BTNL8: variants seen among roughly 807,000 people sequenced by gnomAD.
BTNL8 encodes the protein butyrophilin like 8.
BTNL8 carries 22 observed loss-of-function variants against 36.1 expected under a neutral mutation model. The ratio of observed to expected loss-of-function variants is 0.61; its 90% confidence interval spans 0.44 to 0.87. The LOEUF (loss-of-function observed/expected upper bound fraction) is 0.87, where lower values mean the gene tolerates loss of function less well. BTNL8 is among the 40% of genes least tolerant of loss of function. The pLI is 0.00. For synonymous variants in BTNL8, 203 were observed against 235.6 expected (o/e 0.86, Z 1.27); for missense variants, 526 against 616.9 (o/e 0.85, Z 1.56).
At chr5:180,944,583 C>A (rs2113861752) in intron 3 of BTNL8, among the ~76,000 whole-genome samples, 1 of 152,178 alleles carries the variant, frequency 6.6e-6, no homozygotes, top group Admixed American at 6.5e-5. Flanking sequence ...TAAATAGCAG[C>A]AATAAGTTCC....
In BTNL8 at chr5:180,947,525, G is replaced by A; in HGVS notation, c.687G>A (p.Glu229=). 1 of 1,613,606 alleles carries A rather than the reference G, an allele frequency of 6.2e-7. No homozygotes were observed. Among genetic ancestry groups the A allele is most frequent in the Non-Finnish European group, 8.5e-7 (1 of 1,179,572 alleles). The change falls in exon 4 of 8, where the codon GAG becomes GAA. Residue 229 remains glutamate (E), a synonymous_variant. Coordinates refer to ENST00000340184, the MANE Select transcript of BTNL8 (RefSeq NM_001040462.3). The part of the protein sequence containing the change: ...SRVQIGDTFF[E]PISWHLATKV... ...ATTGTTTTTCAGATACCTTTTTCGA[G>A]CCTATATCGTGGCACCTGGCTACCA...
intron 3 of BTNL8, among the ~76,000 whole-genome samples, chr5:180,944,104 T>C (rs1006411383): frequency 2.0e-5 from 3 of 152,072 alleles, no homozygotes; most frequent in African/African-American, 7.2e-5. Context: ...CACCCACATA[T>C]GGAATCCAAA....
intron 3 of BTNL8, among the ~76,000 whole-genome samples, chr5:180,934,232 T>C (rs1425299992): frequency 6.6e-6 from 1 of 152,184 alleles, no homozygotes; most frequent in Non-Finnish European, 1.5e-5. Flanking sequence ...ATTTGATAAA[T>C]TCAGCACCCT....
At chr5:180,940,883 T>A (rs1758894876) in intron 3 of BTNL8, among the ~76,000 whole-genome samples, 1 of 151,940 alleles carries the variant, frequency 6.6e-6, no homozygotes, top group Admixed American at 6.6e-5. Flanking sequence ...CTGGCCAACA[T>A]GGTGGTGAAA....
intron 3 of BTNL8, among the ~76,000 whole-genome samples, chr5:180,939,170 T>C (rs1333004587): frequency 6.6e-6 from 1 of 152,216 alleles, no homozygotes; most frequent in African/African-American, 2.4e-5. Flanking sequence ...GTTAACAAAA[T>C]GACAGGAATA....
At position 180,930,923 on chromosome 5, in the gene BTNL8, G is replaced by T. The variant is rs143182934; in HGVS notation, c.674-16589G>T. ...ATAGATTCAATGCTATCCCCATCAAGCTACCACTGACTTTCTTCACAGAAT... is the reference window on the plus strand; with the variant it reads ...ATAGATTCAATGCTATCCCCATCAATCTACCACTGACTTTCTTCACAGAAT... On this transcript the variant is annotated intron_variant, in intron 3 of 7. Coordinates refer to ENST00000340184, the MANE Select transcript of BTNL8 (RefSeq NM_001040462.3). Among the ~76,000 whole-genome samples, 160 of 152,194 alleles carry T rather than the reference G, an allele frequency of 1.1e-3. No individual in the cohort carries two copies. The East Asian group carries it at 0.025, about 23-fold the overall frequency.
chr5:180,936,663 C>T (rs1758665303), intron 3 of BTNL8, among the ~76,000 whole-genome samples: 1 of 152,222 alleles, frequency 6.6e-6, no homozygotes, highest in Non-Finnish European at 1.5e-5. Flanking sequence ...ACTAGCAGAG[C>T]TGCCGCTTGC....
chr5:180,949,318 AG>A lies in BTNL8; in HGVS notation c.862+58del. 3 of 1,459,994 alleles carry A rather than the reference AG, an allele frequency of 2.1e-6. 1 individual carries two copies. Among genetic ancestry groups the A allele is most frequent in the Non-Finnish European group, 2.8e-6 (3 of 1,057,264 alleles). The allele number at this position is 1,459,994 out of a possible 1,614,324, so 90.4% of individuals were successfully genotyped here. ...GGACAGAATCTCAGGTGGACATGAGAGGGGGAACTGAACAGGGACAGATACG... is the reference window on the plus strand; with the variant it reads ...GGACAGAATCTCAGGTGGACATGAGAGGGGAACTGAACAGGGACAGATACG... On this transcript the variant is annotated intron_variant, in intron 7 of 7. Coordinates refer to ENST00000340184, the MANE Select transcript of BTNL8 (RefSeq NM_001040462.3).
At chr5:180,927,891 C>G (rs891055598) in intron 3 of BTNL8, among the ~76,000 whole-genome samples, 1 of 152,126 alleles carries the variant, frequency 6.6e-6, no homozygotes, top group Admixed American at 6.5e-5. Context: ...GAGAATGGAA[C>G]CAAGTTGGAA....
At chr5:180,926,644 C>T (rs1159253662) in intron 3 of BTNL8, among the ~76,000 whole-genome samples, 2 of 152,178 alleles carry the variant, frequency 1.3e-5, no homozygotes, top group Non-Finnish European at 2.9e-5. Flanking sequence ...GGCAGAGGGA[C>T]ATCACCATTA....
chr5:180,901,442 G>T (rs1347410133), intron 1 of BTNL8, among the ~76,000 whole-genome samples: 3 of 152,200 alleles, frequency 2.0e-5, no homozygotes, highest in East Asian at 3.8e-4. Context: ...AATCCTTACA[G>T]GGTAGTAAGA....
intron 3 of BTNL8, among the ~76,000 whole-genome samples, chr5:180,923,858 AAAAC>A (rs1270489895): frequency 6.6e-6 from 1 of 152,206 alleles, no homozygotes; most frequent in East Asian, 1.9e-4. Flanking sequence ...CAAAGACAGA[AAAAC>A]AAACAAATAT....
chr5:180,947,110 C>T (rs1235687450), intron 3 of BTNL8, among the ~76,000 whole-genome samples: 1 of 152,180 alleles, frequency 6.6e-6, no homozygotes, highest in Non-Finnish European at 1.5e-5. Flanking sequence ...GAAACTTAGT[C>T]TAGTTTATAC....
intron 3 of BTNL8, among the ~76,000 whole-genome samples, chr5:180,941,024 G>C (rs1758908573): frequency 6.6e-6 from 1 of 151,702 alleles, no homozygotes; most frequent in African/African-American, 2.4e-5. Flanking sequence ...CTGGGAGGCA[G>C]AGGCTGCAGT....
At chr5:180,908,977 C>A in intron 2 of BTNL8, 44 bp downstream of exon 2, 1 of 1,538,026 alleles carries the variant, frequency 6.5e-7, no homozygotes, top group Admixed American at 2.1e-5. Context: ...AAGAACCATC[C>A]TGGACTTTAT....
intron 3 of BTNL8, among the ~76,000 whole-genome samples, chr5:180,943,235 A>G (rs564300427): frequency 1.3e-4 from 19 of 150,868 alleles, no homozygotes; most frequent in East Asian, 7.8e-4. Context: ...CCTGGGTTCA[A>G]GTGATTCTCC....
chr5:180,941,912 C>CTTTTTTTTTTTTT (rs1554145496), intron 3 of BTNL8, among the ~76,000 whole-genome samples: 75 of 144,790 alleles, frequency 5.2e-4, no homozygotes, highest in South Asian at 8.6e-4. Flanking sequence ...TTTTACTACT[C>CTTTTTTTTTTTTT]TTATTCAACA....
intron 3 of BTNL8, among the ~76,000 whole-genome samples, chr5:180,913,750 T>G (rs578196103): frequency 6.6e-6 from 1 of 152,286 alleles, no homozygotes; most frequent in African/African-American, 2.4e-5. Flanking sequence ...CCCCTGTAAG[T>G]GAATCATGGC....
chr5:180,902,525 T>G (rs1380152297), intron 1 of BTNL8: 3 of 940,630 alleles, frequency 3.2e-6, no homozygotes, highest in Non-Finnish European at 4.8e-6. Context: ...GGGTTTTTTT[T>G]TTTGTTTTTG....
Sources: allele counts gnomAD v4.1 joint callset (sites outside exome capture counted in the v4.1 genomes callset), GRCh38; gene constraint gnomAD v4.1.1; transcripts MANE v1.5; gene names NCBI Gene and HGNC (gene_info 2026-07-23, HGNC 2026-07-21).